TAFA2: variants seen among roughly 807,000 people sequenced by gnomAD.
TAFA2 encodes TAFA chemokine like family member 2.
A neutral mutation model predicts 18.8 loss-of-function variants in TAFA2; 7 were observed. The observed-to-expected ratio is 0.37, with a 90% CI of 0.21 to 0.70. The LOEUF is 0.70. TAFA2 is among the 30% of genes least tolerant of loss of function. The probability of loss-of-function intolerance (pLI) is 0.53; values close to 1 mark genes in which losing one functional copy is unlikely to be tolerated. For missense variants in TAFA2, 122 were observed against 158.1 expected (o/e 0.77, Z 1.23); for synonymous variants, 60 against 54.2 (o/e 1.11, Z -0.47).
At chr12:62,242,508 G>C (rs561932530) in intron 1 of TAFA2, 2 of 154,098 alleles carry the variant, frequency 1.3e-5, no homozygotes, top group East Asian at 3.8e-4. Flanking sequence ...GTTGTTTTGA[G>C]ATGAGGAGGT....
At chr12:61,849,466 C>A (rs1030957309) in intron 2 of TAFA2, among the ~76,000 whole-genome samples, 6 of 152,096 alleles carry the variant, frequency 3.9e-5, no homozygotes, top group Non-Finnish European at 1.5e-5. Flanking sequence ...AATTTAATTC[C>A]CAGCCTAGTA....
At chr12:62,221,408 A>G (rs2062762389) in intron 1 of TAFA2, among the ~76,000 whole-genome samples, 1 of 152,206 alleles carries the variant, frequency 6.6e-6, no homozygotes, top group African/African-American at 2.4e-5. Flanking sequence ...GTAGGCATCT[A>G]GGTTGGTAAC....
At chr12:61,862,327 G>C (rs1874163486) in intron 2 of TAFA2, among the ~76,000 whole-genome samples, 1 of 152,148 alleles carries the variant, frequency 6.6e-6, no homozygotes, top group Non-Finnish European at 1.5e-5. Flanking sequence ...TAAGAATTCA[G>C]GGCAGAATCT....
intron 1 of TAFA2, among the ~76,000 whole-genome samples, chr12:61,890,848 C>G (rs185755180): frequency 6.2e-4 from 95 of 152,198 alleles, no homozygotes; most frequent in Non-Finnish European, 1.2e-3. Context: ...GTTTTTCCAC[C>G]CATGTATCCT....
chr12:62,102,923 C>T (rs749082464), intron 1 of TAFA2, among the ~76,000 whole-genome samples: 1 of 152,182 alleles, frequency 6.6e-6, no homozygotes, highest in Non-Finnish European at 1.5e-5. Context: ...CAGTCTACTA[C>T]AGTCTCTCCA....
At chr12:61,877,729 T>A (rs946207397) in intron 1 of TAFA2, among the ~76,000 whole-genome samples, 7 of 152,088 alleles carry the variant, frequency 4.6e-5, no homozygotes, top group Non-Finnish European at 8.8e-5. Context: ...AAGTACCAGA[T>A]ATCACTACAG....
At chr12:62,007,818 T>C (rs538831750) in intron 1 of TAFA2, among the ~76,000 whole-genome samples, 1 of 152,344 alleles carries the variant, frequency 6.6e-6, no homozygotes, top group South Asian at 2.1e-4. Flanking sequence ...CCTCAAACAT[T>C]TATCATTTCT....
chr12:61,853,142 A>G (rs1873747405), intron 2 of TAFA2, among the ~76,000 whole-genome samples: 1 of 152,204 alleles, frequency 6.6e-6, no homozygotes, highest in Admixed American at 6.5e-5. Flanking sequence ...ATATCAAAAC[A>G]TTACATTGTA....
At chr12:61,915,145 A>T (rs1440688766) in intron 1 of TAFA2, among the ~76,000 whole-genome samples, 1 of 152,186 alleles carries the variant, frequency 6.6e-6, no homozygotes, top group Non-Finnish European at 1.5e-5. Context: ...CGGGCAACAG[A>T]GCGAGACTCC....
intron 1 of TAFA2, among the ~76,000 whole-genome samples, chr12:61,940,755 G>A (rs1358948921): frequency 6.6e-6 from 1 of 152,252 alleles, no homozygotes. Context: ...GTCTGAAGAG[G>A]TGAGCAAGTA....
intron 4 of TAFA2, among the ~76,000 whole-genome samples, chr12:61,733,180 T>C (rs1240191053): frequency 6.6e-6 from 1 of 152,174 alleles, no homozygotes; most frequent in South Asian, 2.1e-4. Context: ...TAGCCCTCTG[T>C]CAGATGAGTA....
chr12:62,175,385 T>A (rs1330364663), intron 1 of TAFA2, among the ~76,000 whole-genome samples: 1 of 152,170 alleles, frequency 6.6e-6, no homozygotes, highest in East Asian at 1.9e-4. Flanking sequence ...ATCTACACAC[T>A]CCAAGGTCTT....
intron 1 of TAFA2, among the ~76,000 whole-genome samples, chr12:62,224,046 G>T (rs1218267707): frequency 6.7e-6 from 1 of 150,066 alleles, no homozygotes; most frequent in African/African-American, 2.5e-5. Context: ...TCCATCAATG[G>T]ATGAATGAAT....
intron 1 of TAFA2, among the ~76,000 whole-genome samples, chr12:62,254,777 G>A (rs796729316): frequency 1.3e-5 from 2 of 152,316 alleles, no homozygotes; most frequent in African/African-American, 4.8e-5. Flanking sequence ...CCTATTTAAT[G>A]TTTCCATCAG....
chr12:62,096,090 T>A (rs76461386), intron 1 of TAFA2, among the ~76,000 whole-genome samples: 8,227 of 152,202 alleles, frequency 0.054, 334 homozygotes, highest in Non-Finnish European at 0.083. Context: ...GCATCCCATA[T>A]TAAGATGTGG....
chr12:61,836,756 T>TATATATATATATATATATATACATATAC (rs68158949), intron 2 of TAFA2, among the ~76,000 whole-genome samples: 1 of 119,848 alleles, frequency 8.3e-6, no homozygotes, highest in Non-Finnish European at 1.8e-5. Context: ...TATATATATA[T>TATATATATATATATATATATACATATAC]ACACACACAC....
At position 62,010,580 on chromosome 12, in the gene TAFA2, C is replaced by T. The variant is rs191575316; in HGVS notation, c.-1-143154G>A. ...TACAGTCTCTGCCCAGCCGCCACCC[C>T]GTCTGGGAAGTGGAGAGCGTCTCTG... On this transcript the variant is annotated intron_variant, in intron 1 of 4. Transcript: ENST00000416284. 1.8e-4 allele frequency among the ~76,000 whole-genome samples: 27 copies of T among 152,028 alleles called. No individual in the cohort carries two copies. The East Asian group carries it at 4.1e-3, about 23-fold the overall frequency.
chr12:62,006,457 T>C (rs1880553809), intron 1 of TAFA2, among the ~76,000 whole-genome samples: 1 of 152,144 alleles, frequency 6.6e-6, no homozygotes, highest in Non-Finnish European at 1.5e-5. Flanking sequence ...TATCATGTTA[T>C]AATAACATAA....
intron 1 of TAFA2, among the ~76,000 whole-genome samples, chr12:61,938,259 CTT>C (rs1390861301): frequency 7.7e-6 from 1 of 129,432 alleles, no homozygotes; most frequent in Non-Finnish European, 1.6e-5. Context: ...AAAGGGAAAA[CTT>C]ATATATTGCT....
Sources: gnomAD v4.1 joint callset for allele counts (sites outside exome capture counted in the v4.1 genomes callset) on GRCh38, gnomAD v4.1.1 for gene constraint, MANE v1.5 for transcripts, NCBI Gene and HGNC (gene_info 2026-07-23, HGNC 2026-07-21) for gene names.